Variants in SH3BP5 observed in about 807,000 individuals in gnomAD.
The protein encoded by SH3BP5 is SH3 domain-binding protein 5.
A neutral mutation model predicts 43.3 loss-of-function variants in SH3BP5; 22 were observed. The ratio of observed to expected loss-of-function variants is 0.51; its 90% confidence interval spans 0.36 to 0.73. SH3BP5 has a LOEUF of 0.73. Ranked by LOEUF, SH3BP5 falls within the 30% of genes least tolerant of loss-of-function variation. The probability of loss-of-function intolerance (pLI) is 0.00; values close to 1 mark genes in which losing one functional copy is unlikely to be tolerated. For missense variants in SH3BP5, 529 were observed against 586.9 expected (o/e 0.90, Z 1.02); for synonymous variants, 255 against 225.8 (o/e 1.13, Z -1.16).
At chr3:15,315,067 G>A (rs1698152134) in intron 2 of SH3BP5, among the ~76,000 whole-genome samples, 1 of 152,200 alleles carries the variant, frequency 6.6e-6, no homozygotes, top group Non-Finnish European at 1.5e-5. Context: ...GGCAGTGAGA[G>A]ATGGCCCGGG....
At chr3:15,335,292 C>T (rs918026648), upstream of SH3BP5, among the ~76,000 whole-genome samples, 1 of 151,472 alleles carries the variant, frequency 6.6e-6, no homozygotes, top group African/African-American at 2.4e-5. Flanking sequence ...GCAGAAGAAT[C>T]GCTTGAACCC....
intron 3 of SH3BP5, among the ~76,000 whole-genome samples, chr3:15,299,986 TTGAG>T (rs948736249): frequency 7.2e-5 from 11 of 152,158 alleles, no homozygotes; most frequent in South Asian, 2.1e-4. Context: ...TCTCAACCAT[TTGAG>T]TGAGTACCTG....
intron 3 of SH3BP5, among the ~76,000 whole-genome samples, chr3:15,292,534 A>G (rs1186237978): frequency 6.6e-6 from 1 of 152,124 alleles, no homozygotes; most frequent in Non-Finnish European, 1.5e-5. Flanking sequence ...TTGAATGCAA[A>G]TGGTTCATGG....
At chr3:15,263,199 C>T (rs1343338239) in intron 4 of SH3BP5, among the ~76,000 whole-genome samples, 1 of 152,242 alleles carries the variant, frequency 6.6e-6, no homozygotes, top group African/African-American at 2.4e-5. Flanking sequence ...TGTCCACTTT[C>T]TTCTCAGGTT....
rs565464561 is a variant in SH3BP5 at position 15,294,330 on chromosome 3, T to TGTGTGTGCGC, written c.330+9772_330+9773insGCGCACACAC. On this transcript the variant is annotated intron_variant, in intron 3 of 8. Coordinates refer to ENST00000383791, the MANE Select transcript of SH3BP5 (RefSeq NM_004844.5). ...GTGTGTGTGTGTGTGTGTGTGTGTG[T>TGTGTGTGCGC]GCGCGCGCATGTTTACGTAACTCCC... Among the ~76,000 whole-genome samples the TGTGTGTGCGC allele has an allele frequency of 2.8e-3, 339 of 121,552 alleles. 2 individuals are homozygous for TGTGTGTGCGC. Among genetic ancestry groups the TGTGTGTGCGC allele is most frequent in the African/African-American group, 0.012 (312 of 25,176 alleles). 79.7% of individuals were successfully genotyped at this position (121,552 alleles called of 152,430 possible).
At chr3:15,256,351 C>T in intron 8 of SH3BP5, 48 bp from the exon 9 acceptor site, 1 of 1,558,832 alleles carries the variant, frequency 6.4e-7, no homozygotes, top group Non-Finnish European at 8.8e-7. Flanking sequence ...CAATTCTGCC[C>T]TGTCTCCTAT....
In SH3BP5 at chr3:15,259,108, C is replaced by G; in HGVS notation, c.670-58G>C. ...TACCCTGCTAGCCTTAAGATGCTTTCTGAATGACAGGTTCAAGTACATTTT... is the reference window on the plus strand; with the variant it reads ...TACCCTGCTAGCCTTAAGATGCTTTGTGAATGACAGGTTCAAGTACATTTT... On this transcript the variant is annotated intron_variant, in intron 6 of 8. Transcript: ENST00000383791. 3 of 1,370,638 alleles carry G rather than the reference C, an allele frequency of 2.2e-6. No homozygotes were observed. In the South Asian group the frequency reaches 3.5e-5, roughly 16 times the overall value. 84.9% of individuals were successfully genotyped at this position (1,370,638 alleles called of 1,614,324 possible).
intron 2 of SH3BP5, among the ~76,000 whole-genome samples, chr3:15,329,160 A>T (rs1698538613): frequency 6.6e-6 from 1 of 152,046 alleles, no homozygotes; most frequent in Non-Finnish European, 1.5e-5. Flanking sequence ...AAAAAAAAAA[A>T]AATTTTAATT....
At chr3:15,259,455 A>G in intron 6 of SH3BP5, 1 of 535,224 alleles carries the variant, frequency 1.9e-6, no homozygotes, top group Admixed American at 3.2e-5. Flanking sequence ...TTTCTAATTC[A>G]GTCGGTCTAG....
chr3:15,309,323 T>C (rs1038100292), intron 2 of SH3BP5, among the ~76,000 whole-genome samples: 1 of 152,154 alleles, frequency 6.6e-6, no homozygotes, highest in Non-Finnish European at 1.5e-5. Context: ...TGGGGGTTTT[T>C]TGGGTTTTTG....
intron 3 of SH3BP5, among the ~76,000 whole-genome samples, chr3:15,292,141 AG>A (rs2125094987): frequency 6.6e-6 from 1 of 152,314 alleles, no homozygotes; most frequent in African/African-American, 2.4e-5. Context: ...TGGTTTACAG[AG>A]GGGAAGGGGC....
chr3:15,323,151 T>C (rs1698376528), intron 2 of SH3BP5, among the ~76,000 whole-genome samples: 1 of 151,440 alleles, frequency 6.6e-6, no homozygotes, highest in African/African-American at 2.4e-5. Flanking sequence ...AATAAATAAA[T>C]AAATAAATAA....
intron 2 of SH3BP5, among the ~76,000 whole-genome samples, chr3:15,323,814 A>C (rs1171429095): frequency 6.6e-6 from 1 of 152,226 alleles, no homozygotes; most frequent in Non-Finnish European, 1.5e-5. Flanking sequence ...TCCCACAGCT[A>C]TGAAGAGGGA....
In SH3BP5 at chr3:15,256,221, A is replaced by G. The variant is rs1280564781; in HGVS notation, c.1233T>C (p.Gly411=). The G allele has an allele frequency of 3.3e-5, 54 of 1,613,778 alleles. No homozygotes were observed. The highest frequency in any genetic ancestry group is 1.6e-4 in the Middle Eastern group (1 of 6,080). ...NRGLSSSSGS[G]GSSKSQSSTS... ...TGCTGCTTTGGCTCTTACTGCTGCC[A>G]CCACTGCCACTGCTACTGCTGAGGC... is the stretch of plus-strand genomic sequence containing the variant. Residue 411 remains glycine, a synonymous_variant, in exon 9 of 9, where the codon GGT becomes GGC. Coordinates refer to ENST00000383791, the MANE Select transcript of SH3BP5 (RefSeq NM_004844.5).
At chr3:15,291,936 G>T (rs1697423428) in intron 3 of SH3BP5, among the ~76,000 whole-genome samples, 1 of 152,202 alleles carries the variant, frequency 6.6e-6, no homozygotes, top group South Asian at 2.1e-4. Flanking sequence ...AGGAAGGAAA[G>T]CAGGGGCATC....
intron 3 of SH3BP5, among the ~76,000 whole-genome samples, chr3:15,290,163 AG>A (rs1559441771): frequency 6.6e-6 from 1 of 152,052 alleles, no homozygotes; most frequent in Non-Finnish European, 1.5e-5. Context: ...GCACTTTGGG[AG>A]GTCAAGGCAG....
At position 15,256,023 on chromosome 3, in the gene SH3BP5, C is replaced by A; in HGVS notation, c.*63G>T. ...TTGGCATATATTAAATGATTATTGG[C>A]ACAATGTTCTCCAGTTCCATGTATA... On this transcript the variant is annotated 3_prime_UTR_variant, in exon 9 of 9. Transcript: ENST00000383791. The A allele has an allele frequency of 7.6e-7, 1 of 1,311,060 alleles. No individual in the cohort carries two copies. Among genetic ancestry groups the A allele is most frequent in the Non-Finnish European group, 1.1e-6 (1 of 925,666 alleles). 81.2% of individuals were successfully genotyped at this position (1,311,060 alleles called of 1,614,324 possible).
At chr3:15,309,533 C>T (rs1697996460) in intron 2 of SH3BP5, among the ~76,000 whole-genome samples, 1 of 152,118 alleles carries the variant, frequency 6.6e-6, no homozygotes, top group African/African-American at 2.4e-5. Flanking sequence ...TGTACAACAC[C>T]ATGCCTGCTT....
At chr3:15,262,092 C>CA in intron 5 of SH3BP5, 67 bp downstream of exon 5, 1 of 1,589,614 alleles carries the variant, frequency 6.3e-7, no homozygotes, top group Non-Finnish European at 8.6e-7. Flanking sequence ...GTGTGACATA[C>CA]AAAAGGCTGA....
Sources: allele counts gnomAD v4.1 joint callset (sites outside exome capture counted in the v4.1 genomes callset), GRCh38; gene constraint gnomAD v4.1.1; transcripts MANE v1.5; gene names NCBI Gene and HGNC (gene_info 2026-07-23, HGNC 2026-07-21).